IGSF3: variants seen among roughly 807,000 people sequenced by gnomAD.
The protein encoded by IGSF3 is glu-Trp-Ile EWI motif-containing protein 3.
A neutral mutation model predicts 114.4 loss-of-function variants in IGSF3; 23 were observed. The ratio of observed to expected loss-of-function variants is 0.20; its 90% CI spans 0.14 to 0.28. The LOEUF is 0.28. IGSF3 is among the 10% of genes least tolerant of loss of function. IGSF3 has a pLI of 1.00. For missense variants in IGSF3, 1,172 were observed against 1,591.5 expected, an observed-to-expected ratio of 0.74 and a Z score of 4.48; for synonymous variants, 571 against 645.2, an observed-to-expected ratio of 0.88 and a Z score of 1.74.
rs1352740733 is a variant in IGSF3, at chr1:116,639,201, G to A, written c.44-22744C>T. On this transcript the variant is annotated intron_variant, in intron 2 of 10. Coordinates refer to ENST00000369486, the MANE Select transcript of IGSF3 (RefSeq NM_001007237.3). ...AAAGCCAAGGCCAGAGGACAAAGGT[G>A]AGCTCGCCAATAGGGCCAATACTGG... Among the ~76,000 whole-genome samples the A allele has an allele frequency of 2.6e-5, 4 of 152,178 alleles. No individual in the cohort carries two copies. In the East Asian group the frequency reaches 7.7e-4, roughly 29 times the overall value.
chr1:116,630,124 G>C (rs1305436725), intron 2 of IGSF3, among the ~76,000 whole-genome samples: 1 of 152,216 alleles, frequency 6.6e-6, no homozygotes, highest in Non-Finnish European at 1.5e-5. Flanking sequence ...ATGGGATTTG[G>C]AACAAGATTT....
At position 116,628,206 on chromosome 1, in the gene IGSF3, G is replaced by C. The variant is rs1308844215; in HGVS notation, c.44-11749C>G. ...GCACAGCTATGCCTTGCAAGGACCA[G>C]AACTGGAAAACCTTTGTGACTTAGA... On this transcript the variant is annotated intron_variant, in intron 2 of 10. Coordinates refer to ENST00000369486, the MANE Select transcript of IGSF3 (RefSeq NM_001007237.3). The surrounding 1 kb of genome is among the most constrained non-coding windows in gnomAD (Gnocchi z 4.2). Among the ~76,000 whole-genome samples, 2 of 152,114 alleles carry C rather than the reference G, an allele frequency of 1.3e-5. No individual in the cohort carries two copies. Among genetic ancestry groups the C allele is most frequent in the East Asian group, 3.9e-4 (2 of 5,188 alleles).
chr1:116,579,308 T>G lies in IGSF3; in HGVS notation c.3334+84A>C, dbSNP rs1021281383. ...CATGACAGTTAAGAAAACTGTTTATTAACCCATAATCAAGCTCAAATTTAT... is the reference window on the plus strand; with the variant it reads ...CATGACAGTTAAGAAAACTGTTTATGAACCCATAATCAAGCTCAAATTTAT... On this transcript the variant is annotated intron_variant, in intron 10 of 10. Transcript: ENST00000369486. This position sits in a 1 kb window ranked among gnomAD's most constrained non-coding sequence, Gnocchi z 6.4. 3 of 1,489,494 alleles carry G rather than the reference T, an allele frequency of 2.0e-6. No individual in the cohort carries two copies. In the African/African-American group the frequency reaches 4.2e-5, roughly 21 times the overall value. 92.3% of individuals were successfully genotyped at this position (1,489,494 alleles called of 1,614,324 possible). A position where few individuals can be genotyped will look rare whatever the true frequency, so the allele number is the denominator to read the frequency against.
Position 116,649,926 on chromosome 1 carries a change from T to C in IGSF3, c.43+16358A>G, listed in dbSNP as rs2101068387. On this transcript the variant is annotated intron_variant, in intron 2 of 10. Coordinates refer to ENST00000369486, the MANE Select transcript of IGSF3 (RefSeq NM_001007237.3). This position sits in a 1 kb window ranked among gnomAD's most constrained non-coding sequence, Gnocchi z 4.5. ...ACACCTGTCTTCACAGGTTTGCTCA[T>C]GCCACCATTCCTTTCCCCAGAACGC... Among the ~76,000 whole-genome samples the C allele has an allele frequency of 6.6e-6, 1 of 152,338 alleles. No homozygotes were observed. Among genetic ancestry groups the C allele is most frequent in the Admixed American group, 6.5e-5 (1 of 15,296 alleles).
chr1:116,633,060 G>C lies in IGSF3; in HGVS notation c.44-16603C>G, dbSNP rs1323378554. Among the ~76,000 whole-genome samples, 1 of 152,202 alleles carries C rather than the reference G, an allele frequency of 6.6e-6. No homozygotes were observed. Among genetic ancestry groups the C allele is most frequent in the East Asian group, 1.9e-4 (1 of 5,200 alleles). ...AATGCTATATAGACCAATGCTGCAC[G>C]CTGCAGAGACACAGTCTTTGGGTTC... is the stretch of plus-strand genomic sequence containing the variant. On this transcript the variant is annotated intron_variant, in intron 2 of 10. Coordinates refer to ENST00000369486, the MANE Select transcript of IGSF3 (RefSeq NM_001007237.3). This position sits in a 1 kb window ranked among gnomAD's most constrained non-coding sequence, Gnocchi z 4.3.
At chr1:116,626,636 T>A (rs1300456125) in intron 2 of IGSF3, among the ~76,000 whole-genome samples, 3 of 152,196 alleles carry the variant, frequency 2.0e-5, no homozygotes, top group African/African-American at 7.2e-5. Flanking sequence ...AGGATGTCCA[T>A]GGCTATTTCA....
intron 7 of IGSF3, 25 bp downstream of exon 7, chr1:116,599,916 T>C (rs777160203): frequency 1.3e-6 from 2 of 1,592,318 alleles, no homozygotes; most frequent in Admixed American, 3.4e-5. Context: ...CATGGGCACA[T>C]AGCCCACAGG....
At chr1:116,604,145 G>C in intron 5 of IGSF3, 120 bp from the exon 6 acceptor site, 1 of 941,734 alleles carries the variant, frequency 1.1e-6, no homozygotes. Flanking sequence ...GAGCCTCAGA[G>C]GGTCAAAAAC....
In IGSF3 at chr1:116,648,831, C is replaced by T. The variant is rs1648513116; in HGVS notation, c.43+17453G>A. On this transcript the variant is annotated intron_variant, in intron 2 of 10. Coordinates refer to ENST00000369486, the MANE Select transcript of IGSF3 (RefSeq NM_001007237.3). The surrounding 1 kb of genome is among the most constrained non-coding windows in gnomAD (Gnocchi z 4.7). ...ACATTCTCCTCTGCAAGGCACTTGG[C>T]ATTCTGGTGCCTGTGGAGAGAGCAG... 6.6e-6 allele frequency among the ~76,000 whole-genome samples: 1 copy of T among 152,204 alleles called. No individual in the cohort carries two copies. The highest frequency in any genetic ancestry group is 6.5e-5 in the Admixed American group (1 of 15,290).
intron 7 of IGSF3, among the ~76,000 whole-genome samples, chr1:116,590,363 C>T (rs1660055426): frequency 6.7e-6 from 1 of 148,900 alleles, no homozygotes; most frequent in South Asian, 2.1e-4. Flanking sequence ...TTTCCCGCTA[C>T]TAAAAATGAA....
chr1:116,597,127 T>TC (rs909870347), intron 7 of IGSF3, among the ~76,000 whole-genome samples: 16 of 152,268 alleles, frequency 1.1e-4, no homozygotes, highest in African/African-American at 3.9e-4. Flanking sequence ...AATCCCAACT[T>TC]CCCCCATTCA....
In IGSF3 at chr1:116,584,110, A is replaced by G. The variant is rs947520900; in HGVS notation, c.2848+535T>C. On this transcript the variant is annotated intron_variant, in intron 9 of 10. Transcript: ENST00000369486. The surrounding 1 kb of genome is among the most constrained non-coding windows in gnomAD (Gnocchi z 5.8). ...AGACTGAGGCAGGAGAATCACTTGAATCTGGGAGGCGGAGGTTGCAGTGAG... is the reference window on the plus strand; with the variant it reads ...AGACTGAGGCAGGAGAATCACTTGAGTCTGGGAGGCGGAGGTTGCAGTGAG... 5.3e-5 allele frequency among the ~76,000 whole-genome samples: 8 copies of G among 152,188 alleles called. No individual in the cohort carries two copies. The highest frequency in any genetic ancestry group is 2.1e-4 in the South Asian group (1 of 4,812).
rs998389031 is a variant in IGSF3, at chr1:116,584,964, G to A, written c.2529C>T (p.Arg843=). The A allele has an allele frequency of 5.6e-6, 9 of 1,610,418 alleles. No individual in the cohort carries two copies. Among genetic ancestry groups the A allele is most frequent in the Middle Eastern group, 1.6e-4 (1 of 6,070 alleles). The change falls in exon 9 of 11, where the codon CGC becomes CGT. Residue 843 remains arginine (R), a synonymous_variant. Transcript: ENST00000369486. The surrounding 1 kb of genome is among the most constrained non-coding windows in gnomAD (Gnocchi z 5.8). ...QVQLECVVLN[R]TSITSQLMVE... ...CCATGAGCTGGGAGGTTATGCTGGT[G>A]CGGTTGAGAACCACACACTCCAGCT...
In IGSF3 at chr1:116,614,404, T is replaced by C. The variant is rs1313248800; in HGVS notation, c.422-229A>G. 6.6e-6 allele frequency among the ~76,000 whole-genome samples: 1 copy of C among 152,250 alleles called. No homozygotes were observed. Among genetic ancestry groups the C allele is most frequent in the African/African-American group, 2.4e-5 (1 of 41,468 alleles). On this transcript the variant is annotated intron_variant, in intron 3 of 10. Transcript: ENST00000369486. This position sits in a 1 kb window ranked among gnomAD's most constrained non-coding sequence, Gnocchi z 4.5. The stretch of plus-strand genomic sequence containing the variant: ...GCTTACACTTACCTGTCTGGTATTT[T>C]AATAACACTTGGATAAAACATGGGG...
intron 2 of IGSF3, among the ~76,000 whole-genome samples, chr1:116,656,915 G>A (rs1354036716): frequency 3.3e-5 from 5 of 152,098 alleles, no homozygotes; most frequent in Non-Finnish European, 5.9e-5. Flanking sequence ...GTAACAGAGC[G>A]AGACTCCATC....
In IGSF3 at chr1:116,585,246, T is replaced by A. The variant is rs1227609396; in HGVS notation, c.2441-194A>T. ...TTGATCGTGTGTCGGAATGCCTGGG[T>A]TTCAAGGAGCTCAATGTTACAATAA... is the stretch of plus-strand genomic sequence containing the variant. On this transcript the variant is annotated intron_variant, in intron 8 of 10. Transcript: ENST00000369486. The surrounding 1 kb of genome is among the most constrained non-coding windows in gnomAD (Gnocchi z 4.9). Among the ~76,000 whole-genome samples the A allele has an allele frequency of 6.6e-6, 1 of 152,046 alleles. No individual in the cohort carries two copies.
At chr1:116,646,247 T>A (rs1474420613) in intron 2 of IGSF3, among the ~76,000 whole-genome samples, 1 of 152,188 alleles carries the variant, frequency 6.6e-6, no homozygotes, top group African/African-American at 2.4e-5. Context: ...CAGCAGTTCC[T>A]GTCACTTCCC....
rs1293120722 is a variant in IGSF3 at position 116,642,780 on chromosome 1, G to A, written c.43+23504C>T. 2.6e-5 allele frequency among the ~76,000 whole-genome samples: 4 copies of A among 152,214 alleles called. No homozygotes were observed. Among genetic ancestry groups the A allele is most frequent in the Non-Finnish European group, 5.9e-5 (4 of 68,040 alleles). ...GTATCATCAATCACCGCTGCTGCTC[G>A]CTGGGACTTGGAAGCACACAGTAGT... On this transcript the variant is annotated intron_variant, in intron 2 of 10. Transcript: ENST00000369486. The surrounding 1 kb of genome is among the most constrained non-coding windows in gnomAD (Gnocchi z 5.4).
rs1403052006 is a variant in IGSF3, at chr1:116,615,792, AC to A, written c.421+287del. Among the ~76,000 whole-genome samples the A allele has an allele frequency of 6.6e-6, 1 of 152,160 alleles. No individual in the cohort carries two copies. The highest frequency in any genetic ancestry group is 2.4e-5 in the African/African-American group (1 of 41,446). ...TTGTCATTCAGATCATCAACCACAA[AC>A]ATCCTTGCCTTATATTTTCATATCC... On this transcript the variant is annotated intron_variant, in intron 3 of 10. Transcript: ENST00000369486. This position sits in a 1 kb window ranked among gnomAD's most constrained non-coding sequence, Gnocchi z 4.3.
Sources: gnomAD v4.1 joint callset for allele counts (sites outside exome capture counted in the v4.1 genomes callset) on GRCh38, gnomAD v4.1.1 for gene constraint, Gnocchi (gnomAD v3.1) non-coding constraint, MANE v1.5 for transcripts, NCBI Gene and HGNC (gene_info 2026-07-23, HGNC 2026-07-21) for gene names.